Variants in WDR41 observed in about 807,000 individuals in gnomAD.
WDR41 encodes WD repeat-containing protein 41.
Under a neutral mutation model 69.3 loss-of-function variants are expected in WDR41, and 63 were observed. The observed-to-expected ratio is 0.91, with a 90% CI of 0.74 to 1.12. WDR41 has a LOEUF of 1.12. Among genes scored for constraint, WDR41 ranks in the 50% most tolerant of loss-of-function variants. The probability of loss-of-function intolerance (pLI) is 0.00; values close to 1 mark genes in which losing one functional copy is unlikely to be tolerated. For missense variants in WDR41, 543 were observed against 534.5 expected (o/e 1.02, Z -0.16); for synonymous variants, 185 against 192.1 (o/e 0.96, Z 0.31).
intron 2 of WDR41, among the ~76,000 whole-genome samples, chr5:77,465,192 T>G (rs996990415): frequency 6.6e-6 from 1 of 152,196 alleles, no homozygotes; most frequent in Non-Finnish European, 1.5e-5. Flanking sequence ...ATAAATTCAT[T>G]ACTTCTATTA....
chr5:77,494,580 A>T (rs1179441753), upstream of WDR41, among the ~76,000 whole-genome samples: 1 of 152,200 alleles, frequency 6.6e-6, no homozygotes, highest in Non-Finnish European at 1.5e-5. Flanking sequence ...ATTATGTTAT[A>T]TATTAATAAA....
At chr5:77,545,686 G>A in intron 1 of WDR41, 1 of 465,178 alleles carries the variant, frequency 2.1e-6, no homozygotes, top group Non-Finnish European at 3.8e-6. Context: ...CAAGGATGAG[G>A]TTTTAAAGGT....
intron 1 of WDR41, among the ~76,000 whole-genome samples, chr5:77,524,330 GTAAT>G (rs1802415126): frequency 3.3e-5 from 5 of 152,194 alleles, no homozygotes; most frequent in African/African-American, 7.2e-5. Context: ...GCACACACCT[GTAAT>G]CCCAGCACTT....
Position 77,433,037 on chromosome 5 carries a change from A to C in WDR41, c.*98T>G. 1 of 1,349,862 alleles carries C rather than the reference A, an allele frequency of 7.4e-7. No individual in the cohort carries two copies. The highest frequency in any genetic ancestry group is 9.8e-7 in the Non-Finnish European group (1 of 1,018,168). 83.6% of individuals were successfully genotyped at this position (1,349,862 alleles called of 1,614,324 possible). The stretch of plus-strand genomic sequence containing the variant: ...TAGAATTTTATGGACTGACAAAAAA[A>C]ATTACCAATTTAAGTGATCAATATA... On this transcript the variant is annotated 3_prime_UTR_variant, in exon 13 of 13. Coordinates refer to ENST00000296679, the MANE Select transcript of WDR41 (RefSeq NM_018268.4).
chr5:77,520,902 C>T (rs1455653052), intron 1 of WDR41, among the ~76,000 whole-genome samples: 1 of 152,150 alleles, frequency 6.6e-6, no homozygotes, highest in African/African-American at 2.4e-5. Context: ...CAAATTTGCT[C>T]TTCAGCCGTC....
intron 1 of WDR41, among the ~76,000 whole-genome samples, chr5:77,560,918 GAAA>G (rs1179311658): frequency 6.6e-6 from 1 of 152,098 alleles, no homozygotes; most frequent in East Asian, 1.9e-4. Context: ...ACAGTTTCAT[GAAA>G]CTTCTTCACC....
chr5:77,543,900 G>A lies in WDR41; in HGVS notation c.43-54328C>T, dbSNP rs151281313. Among the ~76,000 whole-genome samples, 581 of 152,154 alleles carry A rather than the reference G, an allele frequency of 3.8e-3. 4 individuals carry two copies. Among genetic ancestry groups the A allele is most frequent in the Non-Finnish European group, 5.0e-3 (340 of 68,014 alleles). ...TGAAGAAAAAAATCTTAAGAGCTGT[G>A]AGACAAAAGCACCAGGTAACCCATA... On this transcript the variant is annotated intron_variant, in intron 1 of 5. Transcript: ENST00000509971.
At chr5:77,554,399 G>A (rs903833202) in intron 1 of WDR41, among the ~76,000 whole-genome samples, 1 of 152,046 alleles carries the variant, frequency 6.6e-6, no homozygotes, top group Non-Finnish European at 1.5e-5. Flanking sequence ...AGGTGATTAG[G>A]TCATAATGGT....
chr5:77,547,351 T>A (rs1743216912), intron 1 of WDR41, among the ~76,000 whole-genome samples: 1 of 152,060 alleles, frequency 6.6e-6, no homozygotes, highest in Admixed American at 6.5e-5. Context: ...GCTGATGATA[T>A]GACCATTTAT....
chr5:77,517,955 C>CT (rs1400452139), intron 1 of WDR41, among the ~76,000 whole-genome samples: 1 of 152,020 alleles, frequency 6.6e-6, no homozygotes, highest in African/African-American at 2.4e-5. Flanking sequence ...GAGGGCCTTT[C>CT]TTTTTTCTTA....
At chr5:77,476,059 A>C (rs1274529487) in intron 2 of WDR41, among the ~76,000 whole-genome samples, 1 of 152,206 alleles carries the variant, frequency 6.6e-6, no homozygotes, top group Non-Finnish European at 1.5e-5. Flanking sequence ...ATCAACTGGA[A>C]GAAAGGGTAT....
intron 1 of WDR41, among the ~76,000 whole-genome samples, chr5:77,618,811 A>C (rs1744725673): frequency 1.3e-5 from 2 of 152,220 alleles, no homozygotes; most frequent in Admixed American, 6.5e-5. Flanking sequence ...ATAAAGGTTG[A>C]AGACTTGCTT....
chr5:77,607,701 T>C (rs893583429), intron 1 of WDR41, among the ~76,000 whole-genome samples: 43 of 152,376 alleles, frequency 2.8e-4, no homozygotes, highest in Middle Eastern at 3.4e-3. Flanking sequence ...ATTTTTTAAA[T>C]GATGTAAATT....
intron 5 of WDR41, among the ~76,000 whole-genome samples, chr5:77,454,378 T>A (rs1799747471): frequency 6.6e-6 from 1 of 152,194 alleles, no homozygotes; most frequent in Non-Finnish European, 1.5e-5. Flanking sequence ...ACCACCCAGA[T>A]AAGATGCTCT....
chr5:77,617,006 C>T (rs1296363276), intron 1 of WDR41, among the ~76,000 whole-genome samples: 1 of 152,248 alleles, frequency 6.6e-6, no homozygotes, highest in Non-Finnish European at 1.5e-5. Flanking sequence ...CACTCACTGT[C>T]CATGTCCATT....
intron 1 of WDR41, among the ~76,000 whole-genome samples, chr5:77,587,607 G>T (rs1047682893): frequency 6.6e-6 from 1 of 152,156 alleles, no homozygotes; most frequent in Non-Finnish European, 1.5e-5. Context: ...TAATGATGTT[G>T]AGCACTGTTA....
intron 5 of WDR41, among the ~76,000 whole-genome samples, chr5:77,454,247 G>T (rs1799741257): frequency 6.6e-6 from 1 of 152,164 alleles, no homozygotes; most frequent in Admixed American, 6.5e-5. Context: ...AAGAGCTGAG[G>T]CTTCTGGGCA....
chr5:77,618,832 C>T (rs1744726046), intron 1 of WDR41, among the ~76,000 whole-genome samples: 2 of 152,102 alleles, frequency 1.3e-5, no homozygotes, highest in Admixed American at 6.5e-5. Context: ...TGTGGGACAT[C>T]AAGGATAAGC....
intron 1 of WDR41, among the ~76,000 whole-genome samples, chr5:77,489,875 C>T (rs1274789325): frequency 1.3e-5 from 2 of 152,090 alleles, no homozygotes; most frequent in African/African-American, 2.4e-5. Context: ...TCCTATTAAA[C>T]CTCACTTTAA....
Sources: gnomAD v4.1 joint callset for allele counts (sites outside exome capture counted in the v4.1 genomes callset) on GRCh38, gnomAD v4.1.1 for gene constraint, MANE v1.5 for transcripts, NCBI Gene and HGNC (gene_info 2026-07-23, HGNC 2026-07-21) for gene names.